The following COL4A1 variants were observed in gnomAD, a reference collection of about 807,000 sequenced individuals.
COL4A1 encodes the protein collagen alpha-1(IV) chain.
A neutral mutation model predicts 216.6 loss-of-function variants in COL4A1; 40 were observed. That is an observed-to-expected ratio of 0.18 (90% CI 0.14 to 0.24). The LOEUF is 0.24. Ranked by LOEUF, COL4A1 falls within the 10% of genes least tolerant of loss-of-function variation. The pLI, the probability that COL4A1 is intolerant of heterozygous loss-of-function variation, is 1.00. For synonymous variants in COL4A1, 839 were observed against 810.7 expected, an observed-to-expected ratio of 1.03 and a Z score of -0.59; for missense variants, 1,628 against 2,196.8, an observed-to-expected ratio of 0.74 and a Z score of 5.18.
At position 110,263,715 on chromosome 13, in the gene COL4A1, C is replaced by T. The variant is rs80208277; in HGVS notation, c.85-20981G>A. 7.4e-3 allele frequency among the ~76,000 whole-genome samples: 1,127 copies of T among 152,198 alleles called. 13 individuals carry two copies. The highest frequency in any genetic ancestry group is 0.025 in the African/African-American group (1,037 of 41,524). ...CTCTTGTATGGATAGTAACAGTTCACCAATTATATATTAAATGAAAATGTA... is the reference window on the plus strand; with the variant it reads ...CTCTTGTATGGATAGTAACAGTTCATCAATTATATATTAAATGAAAATGTA... On this transcript the variant is annotated intron_variant, in intron 1 of 51. Transcript: ENST00000375820.
intron 26 of COL4A1, among the ~76,000 whole-genome samples, chr13:110,184,282 T>C (rs1878306427): frequency 6.6e-6 from 1 of 152,182 alleles, no homozygotes; most frequent in Non-Finnish European, 1.5e-5. Context: ...CTCCAGTTGG[T>C]TTCTCTGATG....
At chr13:110,185,807 C>T (rs1044719071) in intron 26 of COL4A1, among the ~76,000 whole-genome samples, 3 of 152,224 alleles carry the variant, frequency 2.0e-5, no homozygotes, top group East Asian at 1.9e-4. Flanking sequence ...TCTGGAAAAC[C>T]TCTGAACAGG....
At chr13:110,282,955 C>G (rs1455331895) in intron 1 of COL4A1, among the ~76,000 whole-genome samples, 1 of 152,228 alleles carries the variant, frequency 6.6e-6, no homozygotes, top group East Asian at 1.9e-4. Flanking sequence ...ATTTCAAAAT[C>G]AAAATGAGCC....
At chr13:110,296,192 C>G (rs1300021684) in intron 1 of COL4A1, among the ~76,000 whole-genome samples, 1 of 152,244 alleles carries the variant, frequency 6.6e-6, no homozygotes, top group East Asian at 1.9e-4. Context: ...CTGCCACCAC[C>G]TACGCGAAAC....
intron 16 of COL4A1, 36 bp from the exon 17 acceptor site, chr13:110,205,442 C>G (rs1049927810): frequency 6.2e-7 from 1 of 1,612,050 alleles, no homozygotes; most frequent in East Asian, 2.2e-5. Flanking sequence ...CCGTCAGAGG[C>G]CAGTGGTAGG....
Position 110,208,863 on chromosome 13 carries a change from GTCCT to G in COL4A1, c.675_678del (p.Gln225HisfsTer88). 6.2e-7 allele frequency: 1 copy of G among 1,614,100 alleles called. No homozygotes were observed. Among genetic ancestry groups the G allele is most frequent in the Non-Finnish European group, 8.5e-7 (1 of 1,180,024 alleles). The stretch of plus-strand genomic sequence containing the variant: ...TATGCACTCACCTTGTCACCTTTTG[GTCCT>G]TGAAAACTTAAGCCCATTTGTCCCT... On this transcript the variant is annotated frameshift_variant, in exon 12 of 52. Transcript: ENST00000375820. LOFTEE classifies it high-confidence loss of function.
intron 1 of COL4A1, among the ~76,000 whole-genome samples, chr13:110,275,092 G>C (rs987118216): frequency 3.9e-5 from 6 of 152,164 alleles, no homozygotes; most frequent in African/African-American, 1.4e-4. Context: ...AAAATGTTCT[G>C]CTCTGGGAAA....
At chr13:110,182,499 A>C (rs1291326753) in intron 28 of COL4A1, among the ~76,000 whole-genome samples, 1 of 152,228 alleles carries the variant, frequency 6.6e-6, no homozygotes. Context: ...AAGTAGACCT[A>C]AGAAATGTGA....
chr13:110,193,597 G>A (rs568008277), intron 22 of COL4A1, among the ~76,000 whole-genome samples: 3 of 152,318 alleles, frequency 2.0e-5, no homozygotes, highest in East Asian at 1.9e-4. Flanking sequence ...AAAAGTGCTC[G>A]CAGAGAAGCC....
chr13:110,169,506 A>ACACACG, intron 43 of COL4A1, 123 bp downstream of exon 43: 1 of 1,497,626 alleles, frequency 6.7e-7, no homozygotes, highest in Non-Finnish European at 9.0e-7. Flanking sequence ...TAACACACAC[A>ACACACG]CACACACACA....
intron 19 of COL4A1, 134 bp downstream of exon 19, chr13:110,201,304 A>AGGAAGAGAAGGAGGGGGAGGG: frequency 1.8e-6 from 1 of 553,304 alleles, no homozygotes. Context: ...GAGGGGGCGG[A>AGGAAGAGAAGGAGGGGGAGGG]GGAAGAGAAG....
intron 2 of COL4A1, among the ~76,000 whole-genome samples, chr13:110,220,615 C>T (rs1267192081): frequency 2.0e-5 from 3 of 152,168 alleles, no homozygotes; most frequent in Non-Finnish European, 4.4e-5. Flanking sequence ...CGGGACTTGT[C>T]CTGCCTCTTC....
rs140517831 is a variant in COL4A1, at chr13:110,211,909, G to A, written c.401C>T (p.Pro134Leu). 2.5e-4 allele frequency: 396 copies of A among 1,614,052 alleles called. 1 individual carries two copies. The highest frequency in any genetic ancestry group is 1.6e-4 in the Middle Eastern group (1 of 6,062). Residue 134 changes from proline (P) to leucine (L), a missense_variant, in exon 7 of 52, where the codon CCG becomes CTG. Pro to Leu is a moderately conservative substitution (Grantham distance 98). Transcript: ENST00000375820. This position sits in a 1 kb window ranked among gnomAD's most constrained non-coding sequence, Gnocchi z 4.3. Reference protein sequence around the residue: ...GCNGTKGERGPLGPPGLPGFA... With the variant: ...GCNGTKGERGLLGPPGLPGFA... The stretch of plus-strand genomic sequence containing the variant: ...ACCAGGCAAGCCAGGAGGCCCGAGC[G>A]GCCCTCTCTCCCCCTGGGGAGACAG...
chr13:110,198,703 T>G, intron 20 of COL4A1, 72 bp from the exon 21 acceptor site: 6 of 1,586,468 alleles, frequency 3.8e-6, no homozygotes, highest in African/African-American at 1.3e-5. Flanking sequence ...CTCATTCTCC[T>G]AACTCTGTTC....
At chr13:110,264,992 G>A (rs1017962961) in intron 1 of COL4A1, among the ~76,000 whole-genome samples, 7 of 152,204 alleles carry the variant, frequency 4.6e-5, no homozygotes, top group Admixed American at 2.6e-4. Context: ...TTGCTGGATC[G>A]CCAAGTGCTG....
At chr13:110,306,250 T>C (rs568534224) in intron 1 of COL4A1, among the ~76,000 whole-genome samples, 1 of 152,202 alleles carries the variant, frequency 6.6e-6, no homozygotes, top group Admixed American at 6.5e-5. Flanking sequence ...GGAGTTTCAC[T>C]TTGGTTTCAT....
chr13:110,278,880 C>T (rs1026906460), intron 1 of COL4A1, among the ~76,000 whole-genome samples: 5 of 152,100 alleles, frequency 3.3e-5, no homozygotes, highest in African/African-American at 9.7e-5. Flanking sequence ...AGCTCAGAGG[C>T]GTCCCACACC....
chr13:110,155,144 G>C, intron 50 of COL4A1, 139 bp downstream of exon 50: 1 of 736,826 alleles, frequency 1.4e-6, no homozygotes, highest in Non-Finnish European at 2.4e-6. Context: ...TGCTTTGGAA[G>C]GGGATGGTTG....
chr13:110,174,734 C>G lies in COL4A1; in HGVS notation c.3214G>C (p.Ala1072Pro). Residue 1072 changes from alanine to proline, a missense_variant, in exon 38 of 52, where the codon GCG becomes CCG. Ala to Pro is a conservative substitution (Grantham distance 27). This residue lies in a region of COL4A1 where 345 missense variants were observed against 476.9 expected (regional missense o/e 0.72). Coordinates refer to ENST00000375820, the MANE Select transcript of COL4A1 (RefSeq NM_001845.6). ...TCTCCAGGGCTTCCTGGGAAACCCG[C>G]TATCCCTTGATCTCCCTGCAAGTAA... is the stretch of plus-strand genomic sequence containing the variant. ...LRGEKGDQGIAGFPGSPGEKG... is the reference protein window; with the variant it reads ...LRGEKGDQGIPGFPGSPGEKG... The G allele has an allele frequency of 6.2e-7, 1 of 1,613,662 alleles. No homozygotes were observed. The highest frequency in any genetic ancestry group is 1.7e-5 in the Admixed American group (1 of 60,010).
Sources: gnomAD v4.1 joint callset for allele counts (sites outside exome capture counted in the v4.1 genomes callset) on GRCh38, gnomAD v4.1.1 for gene constraint, gnomAD v4.1.1 regional missense constraint, Gnocchi (gnomAD v3.1) non-coding constraint, MANE v1.5 for transcripts, NCBI Gene and HGNC (gene_info 2026-07-23, HGNC 2026-07-21) for gene names.